The following BLTP3A variants were observed in gnomAD, a reference collection of about 807,000 sequenced individuals.
BLTP3A encodes the protein ICBP90 binding protein 1.
At chr6:34,803,144 A>G in the BLTP3A span, among the ~76,000 whole-genome samples, 1 of 152,164 alleles carries the variant, frequency 6.6e-6, no homozygotes, top group African/African-American at 2.4e-5. Context: ...TGATCGCGCC[A>G]CTGCACTCCA....
the BLTP3A span, chr6:34,859,395 C>T: frequency 2.5e-6 from 4 of 1,614,006 alleles, no homozygotes; most frequent in African/African-American, 5.3e-5. Context: ...CCTTGAAGAA[C>T]ATTGAGGGAG....
At chr6:34,811,028 G>A in the BLTP3A span, among the ~76,000 whole-genome samples, 8 of 152,170 alleles carry the variant, frequency 5.3e-5, no homozygotes, top group East Asian at 1.5e-3. Flanking sequence ...TTTTCAAGTT[G>A]TCACAAATCT....
At chr6:34,793,388 G>A in the BLTP3A span, among the ~76,000 whole-genome samples, 1 of 152,200 alleles carries the variant, frequency 6.6e-6, no homozygotes, top group African/African-American at 2.4e-5. Context: ...TTTTCAGGAG[G>A]TAGGGGTGAG....
At chr6:34,807,767 C>T in the BLTP3A span, among the ~76,000 whole-genome samples, 271 of 152,250 alleles carry the variant, frequency 1.8e-3, 1 homozygote, top group African/African-American at 5.5e-3. Flanking sequence ...AGGCTGGGTG[C>T]GGTGGCTCAC....
the BLTP3A span, among the ~76,000 whole-genome samples, chr6:34,838,173 G>A: frequency 6.6e-6 from 1 of 152,048 alleles, no homozygotes; most frequent in Non-Finnish European, 1.5e-5. Context: ...TGTACATCAG[G>A]GAGGCATCTT....
chr6:34,823,836 T>C, the BLTP3A span, among the ~76,000 whole-genome samples: 1 of 152,074 alleles, frequency 6.6e-6, no homozygotes, highest in East Asian at 1.9e-4. Context: ...ATGCCCAACG[T>C]TGTCATTCTT....
At chr6:34,816,248 CTGAAG>C in the BLTP3A span, among the ~76,000 whole-genome samples, 1 of 152,098 alleles carries the variant, frequency 6.6e-6, no homozygotes, top group Admixed American at 6.6e-5. Flanking sequence ...TTTATTTTAT[CTGAAG>C]TATGTTTCTC....
At chr6:34,871,261 AC>A in the BLTP3A span, 5 of 1,065,610 alleles carry the variant, frequency 4.7e-6, no homozygotes, top group South Asian at 1.6e-5. Flanking sequence ...AAATATTAAT[AC>A]ATATTTGCAT....
the BLTP3A span, among the ~76,000 whole-genome samples, chr6:34,830,909 A>G: frequency 6.6e-6 from 1 of 152,050 alleles, no homozygotes; most frequent in Non-Finnish European, 1.5e-5. Flanking sequence ...GTATCACATT[A>G]TGGTTTAATT....
At chr6:34,874,000 A>G in the BLTP3A span, 1 of 152,350 alleles carries the variant, frequency 6.6e-6, no homozygotes, top group African/African-American at 2.4e-5. Flanking sequence ...TACTAAGGCA[A>G]TTTTTGAAAC....
chr6:34,834,580 C>G, the BLTP3A span: 1 of 1,357,076 alleles, frequency 7.4e-7, no homozygotes, highest in Non-Finnish European at 1.0e-6. Flanking sequence ...TTATGGATCC[C>G]CAATTCACTG....
the BLTP3A span, among the ~76,000 whole-genome samples, chr6:34,828,450 CAA>C: frequency 1.5e-4 from 8 of 54,428 alleles, no homozygotes; most frequent in Non-Finnish European, 2.6e-4. Flanking sequence ...GACTCCATCT[CAA>C]AAAAAAAAAA....
chr6:34,843,296 AT>A, the BLTP3A span, among the ~76,000 whole-genome samples: 3 of 147,154 alleles, frequency 2.0e-5, no homozygotes, highest in Non-Finnish European at 3.0e-5. Context: ...TGTTACTTTT[AT>A]TTTTTTTTTG....
chr6:34,840,040 A>G, the BLTP3A span, among the ~76,000 whole-genome samples: 1 of 152,178 alleles, frequency 6.6e-6, no homozygotes, highest in African/African-American at 2.4e-5. Flanking sequence ...TGACCTTCCT[A>G]TGTTATGGCT....
chr6:34,797,575 T>C, the BLTP3A span, among the ~76,000 whole-genome samples: 1 of 152,216 alleles, frequency 6.6e-6, no homozygotes, highest in Non-Finnish European at 1.5e-5. Flanking sequence ...CCAGTCATGT[T>C]CTTTTTACAC....
At chr6:34,858,202 A>G in the BLTP3A span, 1 of 1,614,100 alleles carries the variant, frequency 6.2e-7, no homozygotes, top group Non-Finnish European at 8.5e-7. Flanking sequence ...GTCAGGCATG[A>G]TTGCCACCAA....
the BLTP3A span, among the ~76,000 whole-genome samples, chr6:34,804,103 C>A: frequency 1.4e-3 from 215 of 152,222 alleles, no homozygotes; most frequent in African/African-American, 5.0e-3. Flanking sequence ...TCCTTTCAGG[C>A]AGGCTCTGGC....
the BLTP3A span, among the ~76,000 whole-genome samples, chr6:34,827,355 A>T: frequency 6.6e-6 from 1 of 152,112 alleles, no homozygotes; most frequent in Admixed American, 6.6e-5. Flanking sequence ...AAAATAAATC[A>T]TGACAATATC....
the BLTP3A span, chr6:34,859,566 A>G: frequency 1.2e-6 from 2 of 1,613,664 alleles, no homozygotes; most frequent in East Asian, 4.5e-5. Context: ...CCCTGCCCCC[A>G]GCCAAGTAAG....
Sources: gnomAD v4.1 joint callset for allele counts (sites outside exome capture counted in the v4.1 genomes callset) on GRCh38, gnomAD v4.1.1 for gene constraint, MANE v1.5 for transcripts, NCBI Gene and HGNC (gene_info 2026-07-23, HGNC 2026-07-21) for gene names.